The following PAN3 variants were observed in gnomAD, a reference collection of about 807,000 sequenced individuals.
The protein encoded by PAN3 is PAN2-PAN3 deadenylation complex subunit PAN3.
In PAN3, 19 loss-of-function variants were observed where a neutral mutation model predicts 96.2. The ratio of observed to expected loss-of-function variants is 0.20; its 90% CI spans 0.14 to 0.29. The LOEUF is 0.29. Among genes scored for constraint, PAN3 ranks in the 10% least tolerant of loss-of-function variants. The pLI is 1.00. For synonymous variants in PAN3, 433 were observed against 406.6 expected (o/e 1.06, Z -0.78); for missense variants, 882 against 1,108.1 (o/e 0.80, Z 2.90).
At chr13:28,175,306 G>A (rs542426035) in intron 2 of PAN3, among the ~76,000 whole-genome samples, 5 of 152,210 alleles carry the variant, frequency 3.3e-5, no homozygotes, top group African/African-American at 1.2e-4. Context: ...GTACAGTGGC[G>A]CAATCATGGC....
chr13:28,282,247 A>G (rs984468593), intron 17 of PAN3, among the ~76,000 whole-genome samples: 2 of 152,166 alleles, frequency 1.3e-5, no homozygotes, highest in African/African-American at 2.4e-5. Context: ...CAGAATTTGC[A>G]ATTACTATGA....
chr13:28,239,201 GCACACA>G (rs561281678), intron 6 of PAN3, among the ~76,000 whole-genome samples: 10 of 101,256 alleles, frequency 9.9e-5, no homozygotes, highest in African/African-American at 2.2e-4. Flanking sequence ...ATGCACACAC[GCACACA>G]CACACACACA....
At chr13:28,192,360 G>A (rs1307138067) in intron 4 of PAN3, among the ~76,000 whole-genome samples, 1 of 152,142 alleles carries the variant, frequency 6.6e-6, no homozygotes, top group African/African-American at 2.4e-5. Context: ...GAGCCACCGT[G>A]CCTGGCCAAT....
chr13:28,204,600 T>C (rs1350612201), intron 5 of PAN3, among the ~76,000 whole-genome samples: 2 of 152,238 alleles, frequency 1.3e-5, no homozygotes, highest in Non-Finnish European at 1.5e-5. Context: ...TTTTAAGGGC[T>C]CACATTTAAA....
At chr13:28,214,600 C>A in intron 5 of PAN3, 1 of 416,688 alleles carries the variant, frequency 2.4e-6, no homozygotes, top group South Asian at 2.1e-5. Flanking sequence ...ATCTGATCTA[C>A]AAATGTGGTG....
At chr13:28,269,282 A>G (rs1267908344) in intron 12 of PAN3, among the ~76,000 whole-genome samples, 4 of 152,128 alleles carry the variant, frequency 2.6e-5, no homozygotes, top group Admixed American at 6.6e-5. Context: ...TTTTTTAATC[A>G]TAATTATTCT....
chr13:28,141,729 G>A (rs886739221), intron 1 of PAN3, among the ~76,000 whole-genome samples: 3 of 151,908 alleles, frequency 2.0e-5, no homozygotes, highest in African/African-American at 7.3e-5. Flanking sequence ...GGCCTCCTAG[G>A]GATTACTGGC....
intron 17 of PAN3, among the ~76,000 whole-genome samples, chr13:28,286,653 G>T (rs1869008049): frequency 6.6e-6 from 1 of 152,142 alleles, no homozygotes; most frequent in African/African-American, 2.4e-5. Flanking sequence ...AGATGTTCAT[G>T]ATTATCTCTT....
chr13:28,217,376 G>T (rs900667528), intron 5 of PAN3, among the ~76,000 whole-genome samples: 1 of 152,104 alleles, frequency 6.6e-6, no homozygotes, highest in Non-Finnish European at 1.5e-5. Flanking sequence ...GAGGCCAGGA[G>T]TTTGAGACCA....
intron 4 of PAN3, among the ~76,000 whole-genome samples, chr13:28,192,051 T>G (rs1437015707): frequency 1.4e-5 from 2 of 140,050 alleles, no homozygotes; most frequent in Non-Finnish European, 3.0e-5. Context: ...AACAATACTT[T>G]TTTTTTTTTT....
intron 1 of PAN3, among the ~76,000 whole-genome samples, chr13:28,141,217 T>C (rs757999885): frequency 6.0e-4 from 91 of 151,288 alleles, no homozygotes; most frequent in Non-Finnish European, 1.2e-3. Flanking sequence ...GTTGGCCAGG[T>C]GGGTCTCGAA....
At chr13:28,285,606 CT>C (rs950734119) in intron 17 of PAN3, among the ~76,000 whole-genome samples, 44 of 152,278 alleles carry the variant, frequency 2.9e-4, no homozygotes, top group African/African-American at 1.0e-3. Flanking sequence ...TCTTTAATAA[CT>C]TCTTGTCCTG....
At chr13:28,141,468 T>TTTTTTTTTTTTTTTTTTTTTA (rs1869818297) in intron 1 of PAN3, among the ~76,000 whole-genome samples, 1 of 127,740 alleles carries the variant, frequency 7.8e-6, no homozygotes, top group African/African-American at 3.6e-5. Flanking sequence ...TTTTCTTTTT[T>TTTTTTTTTTTTTTTTTTTTTA]TTTTTTTTTT....
intron 4 of PAN3, among the ~76,000 whole-genome samples, chr13:28,181,646 G>A (rs1272519005): frequency 1.3e-5 from 2 of 152,190 alleles, no homozygotes; most frequent in East Asian, 3.8e-4. Flanking sequence ...ATGCCTTAGG[G>A]CAGTACTACT....
intron 16 of PAN3, among the ~76,000 whole-genome samples, chr13:28,280,749 C>T (rs932412817): frequency 3.3e-4 from 50 of 151,432 alleles, no homozygotes; most frequent in Non-Finnish European, 5.5e-4. Flanking sequence ...TTAGTAGAGA[C>T]GGGGTTTCAC....
At chr13:28,201,870 T>G (rs1289981798) in intron 5 of PAN3, among the ~76,000 whole-genome samples, 1 of 152,176 alleles carries the variant, frequency 6.6e-6, no homozygotes, top group Non-Finnish European at 1.5e-5. Flanking sequence ...CCTTTGCATG[T>G]GGGTAAATAT....
Position 28,144,134 on chromosome 13 carries a change from T to G in PAN3, c.430+5047T>G, listed in dbSNP as rs769549988. On this transcript the variant is annotated intron_variant, in intron 1 of 18. Transcript: ENST00000380958. ...AACAACAGCAACAAAAAAACATAAT[T>G]CAGCCCTAATGGAGTTTACATTCTA... Among the ~76,000 whole-genome samples the G allele has an allele frequency of 3.4e-4, 52 of 151,632 alleles. 1 individual carries two copies. The highest frequency in any genetic ancestry group is 5.3e-4 in the Non-Finnish European group (36 of 67,920).
chr13:28,184,630 G>C (rs1876229723), intron 4 of PAN3, among the ~76,000 whole-genome samples: 1 of 152,170 alleles, frequency 6.6e-6, no homozygotes, highest in African/African-American at 2.4e-5. Flanking sequence ...TTTCAGAAAT[G>C]TAGCACAAAT....
chr13:28,292,409 A>T lies in PAN3; in HGVS notation c.2551A>T (p.Ser851Cys). Reference protein sequence around the residue: ...KLDAGVPEKISLISRDEKSVL... With the variant: ...KLDAGVPEKICLISRDEKSVL... The stretch of plus-strand genomic sequence containing the variant: ...AGATGCTGGTGTGCCAGAAAAAATA[A>T]GCCTGATTTCCAGAGATGAGAAGAG... The change falls in exon 19 of 19, where the codon AGC (serine) becomes TGC (cysteine). Residue 851 changes from serine (S) to cysteine (C), a missense_variant. Transcript: ENST00000380958. 1 of 1,607,884 alleles carries T rather than the reference A, an allele frequency of 6.2e-7. No homozygotes were observed. The highest frequency in any genetic ancestry group is 8.5e-7 in the Non-Finnish European group (1 of 1,177,480).
Sources: gnomAD v4.1 joint callset for allele counts (sites outside exome capture counted in the v4.1 genomes callset) on GRCh38, gnomAD v4.1.1 for gene constraint, MANE v1.5 for transcripts, NCBI Gene and HGNC (gene_info 2026-07-23, HGNC 2026-07-21) for gene names.